Variants in TTK observed in about 807,000 individuals in gnomAD.
TTK encodes the protein dual specificity protein kinase TTK.
In TTK, 59 loss-of-function variants were observed where a neutral mutation model predicts 117.3. That is an observed-to-expected ratio of 0.50 (90% CI 0.41 to 0.62). The LOEUF (loss-of-function observed/expected upper bound fraction) is 0.62, where lower values mean the gene tolerates loss of function less well. Ranked by LOEUF, TTK falls within the 20% of genes least tolerant of loss-of-function variation. The pLI is 0.00. For synonymous variants in TTK, 302 were observed against 325.0 expected (o/e 0.93, Z 0.76); for missense variants, 921 against 989.4 (o/e 0.93, Z 0.93).
chr6:80,024,887 C>G (rs1372258019), intron 11 of TTK, among the ~76,000 whole-genome samples: 1 of 151,966 alleles, frequency 6.6e-6, no homozygotes. Flanking sequence ...CTCTTTCTTG[C>G]AAAAGGCCTG....
At chr6:80,005,570 A>T (rs1766968958) in intron 1 of TTK, among the ~76,000 whole-genome samples, 1 of 152,096 alleles carries the variant, frequency 6.6e-6, no homozygotes, top group African/African-American at 2.4e-5. Context: ...TTTTTAAGTG[A>T]CACTAAATTT....
chr6:80,041,899 T>C (rs1768057535), intron 21 of TTK, among the ~76,000 whole-genome samples: 1 of 151,712 alleles, frequency 6.6e-6, no homozygotes, highest in Non-Finnish European at 1.5e-5. Context: ...ATTTCTCTCA[T>C]AGAAAGATTG....
Position 80,011,385 on chromosome 6 carries a change from A to G in TTK, c.614-49A>G, listed in dbSNP as rs762165409. On this transcript the variant is annotated intron_variant, in intron 5 of 21. Coordinates refer to ENST00000369798, the MANE Select transcript of TTK (RefSeq NM_003318.5). Reference sequence around the variant, plus strand: ...CTTATTTGTAAGATCACTTTTTTGTACTTGTCTTATTTCTTATAAATTTAA... The same window carrying G: ...CTTATTTGTAAGATCACTTTTTTGTGCTTGTCTTATTTCTTATAAATTTAA... 9 of 1,275,776 alleles carry G rather than the reference A, an allele frequency of 7.1e-6. No individual in the cohort carries two copies. In the South Asian group the frequency reaches 1.3e-4, roughly 19 times the overall value. The allele number at this position is 1,275,776 out of a possible 1,614,324, so 79.0% of individuals were successfully genotyped here. A position where few individuals can be genotyped will look rare whatever the true frequency, so the allele number is the denominator to read the frequency against.
intron 10 of TTK, 148 bp downstream of exon 10, chr6:80,014,734 T>C (rs1767259540): frequency 2.7e-6 from 2 of 743,802 alleles, no homozygotes; most frequent in Admixed American, 3.8e-5. Flanking sequence ...ATATAGGGTA[T>C]ATGAAAAGTA....
chr6:80,039,161 ATTAG>A (rs1562026667), intron 18 of TTK, among the ~76,000 whole-genome samples: 1 of 152,056 alleles, frequency 6.6e-6, no homozygotes, highest in Admixed American at 6.6e-5. Flanking sequence ...TGCTAACTGA[ATTAG>A]TTTTTTACTT....
chr6:80,007,386 A>C (rs1767020711), intron 2 of TTK, among the ~76,000 whole-genome samples: 3 of 152,152 alleles, frequency 2.0e-5, no homozygotes, highest in Admixed American at 2.0e-4. Context: ...CAGTAGGTTT[A>C]ATGAATAAAT....
intron 11 of TTK, 69 bp downstream of exon 11, chr6:80,022,541 A>G: frequency 1.3e-6 from 2 of 1,481,512 alleles, no homozygotes; most frequent in Middle Eastern, 1.8e-4. Flanking sequence ...TGATGATCAT[A>G]TTAAATGTTT....
rs777743321 is a variant in TTK at position 80,022,453 on chromosome 6, C to T, written c.1238C>T (p.Ala413Val). Residue 413 changes from alanine (A) to valine (V), a missense_variant, in exon 11 of 22, where the codon GCC becomes GTC. Coordinates refer to ENST00000369798, the MANE Select transcript of TTK (RefSeq NM_003318.5). Reference sequence around the variant, plus strand: ...AATCACTGGCAGATTCCGGAGTTAGCCCGAAAAGTTAATACAGAGGTAACT... The same window carrying T: ...AATCACTGGCAGATTCCGGAGTTAGTCCGAAAAGTTAATACAGAGGTAACT... ...SSNHWQIPEL[A>V]RKVNTEQKHT... The T allele has an allele frequency of 3.7e-6, 6 of 1,613,386 alleles. No individual in the cohort carries two copies. In the East Asian group the frequency reaches 8.9e-5, roughly 24 times the overall value.
intron 10 of TTK, among the ~76,000 whole-genome samples, chr6:80,017,452 G>T (rs1767337922): frequency 6.6e-6 from 1 of 151,808 alleles, no homozygotes; most frequent in Admixed American, 6.6e-5. Flanking sequence ...CTAATTTTTA[G>T]TTTTTTTGTA....
At chr6:80,008,634 T>C in intron 4 of TTK, 142 bp downstream of exon 4, 1 of 624,140 alleles carries the variant, frequency 1.6e-6, no homozygotes, top group Non-Finnish European at 2.6e-6. Context: ...GGGGAGAAAA[T>C]GCCACCTAAA....
At chr6:80,012,218 CAACATT>C (rs1767179306) in intron 8 of TTK, among the ~76,000 whole-genome samples, 1 of 151,902 alleles carries the variant, frequency 6.6e-6, no homozygotes, top group Non-Finnish European at 1.5e-5. Context: ...AATATTAAGT[CAACATT>C]AAGCTTAAAA....
intron 11 of TTK, among the ~76,000 whole-genome samples, chr6:80,023,655 A>G (rs1767526565): frequency 6.6e-6 from 1 of 152,228 alleles, no homozygotes; most frequent in Non-Finnish European, 1.5e-5. Context: ...TACTTTTATG[A>G]AAAATATGTA....
In TTK at chr6:80,040,615, TG is replaced by T. The variant is rs1768023172; in HGVS notation, c.2404del (p.Ala802ProfsTer8). 3 of 1,611,374 alleles carry T rather than the reference TG, an allele frequency of 1.9e-6. No homozygotes were observed. Among genetic ancestry groups the T allele is most frequent in the African/African-American group, 2.7e-5 (2 of 74,814 alleles). ...TTGATTTATTTTATAGTTAACCAAA[TG>T]GCCAAGGGAACCACTGAAGAAATGA... Reference protein sequence around the residue: ...VQIQTHPVNQMAKGTTEEMKY... With the variant: ...VQIQTHPVNQXAKGTTEEMKY... On this transcript the variant is annotated frameshift_variant, in exon 21 of 22. Transcript: ENST00000369798. LOFTEE classifies it high-confidence loss of function.
chr6:80,006,029 C>A (rs746313393), intron 2 of TTK, 47 bp downstream of exon 2: 1 of 1,579,516 alleles, frequency 6.3e-7, no homozygotes, highest in Non-Finnish European at 8.6e-7. Flanking sequence ...GTTGGGTATC[C>A]TCTAAGGTAA....
At chr6:80,028,432 C>T (rs1242997694) in intron 13 of TTK, among the ~76,000 whole-genome samples, 2 of 151,910 alleles carry the variant, frequency 1.3e-5, no homozygotes, top group Admixed American at 1.3e-4. Context: ...ATTCTCGTGC[C>T]TTAGCCTCCC....
intron 21 of TTK, among the ~76,000 whole-genome samples, chr6:80,041,309 G>T (rs1038286170): frequency 2.0e-5 from 3 of 151,658 alleles, no homozygotes; most frequent in African/African-American, 7.3e-5. Context: ...ATCAATACTC[G>T]TAGCTCTCTG....
At chr6:80,008,342 C>CTA (rs1767050859) in intron 3 of TTK, 44 bp from the exon 4 acceptor site, 1 of 1,553,276 alleles carries the variant, frequency 6.4e-7, no homozygotes, top group Admixed American at 1.8e-5. Context: ...ATTTAAGTAG[C>CTA]TATGTTCTTT....
At chr6:80,016,728 A>G (rs1767318073) in intron 10 of TTK, among the ~76,000 whole-genome samples, 1 of 152,190 alleles carries the variant, frequency 6.6e-6, no homozygotes. Context: ...AACGATTAAC[A>G]ATAGAAAAAC....
intron 18 of TTK, 49 bp from the exon 19 acceptor site, chr6:80,039,647 T>C: frequency 7.1e-7 from 1 of 1,406,220 alleles, no homozygotes; most frequent in Non-Finnish European, 9.4e-7. Context: ...TTTTTCATTT[T>C]ATATGAAAAT....
Sources: gnomAD v4.1 joint callset for allele counts (sites outside exome capture counted in the v4.1 genomes callset) on GRCh38, gnomAD v4.1.1 for gene constraint, MANE v1.5 for transcripts, NCBI Gene and HGNC (gene_info 2026-07-23, HGNC 2026-07-21) for gene names.